The following SYN3 variants were observed in gnomAD, a reference collection of about 807,000 sequenced individuals.
The protein encoded by SYN3 is synapsin III.
Under a neutral mutation model 65.8 loss-of-function variants are expected in SYN3, and 35 were observed. That is an observed-to-expected ratio of 0.53 (90% CI 0.41 to 0.70). SYN3 has a LOEUF of 0.70. Ranked by LOEUF, SYN3 falls within the 30% of genes least tolerant of loss-of-function variation. The pLI is 0.00. For synonymous variants in SYN3, 270 were observed against 292.9 expected, an observed-to-expected ratio of 0.92 and a Z score of 0.80; for missense variants, 680 against 749.0, an observed-to-expected ratio of 0.91 and a Z score of 1.08.
At chr22:32,685,226 C>A (rs2060574453) in intron 6 of SYN3, among the ~76,000 whole-genome samples, 1 of 152,206 alleles carries the variant, frequency 6.6e-6, no homozygotes, top group Admixed American at 6.5e-5. Context: ...CTGTTGACAG[C>A]AGGGTTTCCT....
chr22:32,825,532 G>A (rs552187097), intron 6 of SYN3, among the ~76,000 whole-genome samples: 4 of 151,488 alleles, frequency 2.6e-5, no homozygotes, highest in East Asian at 1.9e-4. Context: ...GGTGGCGGGC[G>A]CCTGTAATCC....
chr22:32,951,420 A>G (rs567335499), intron 3 of SYN3, among the ~76,000 whole-genome samples: 1 of 152,160 alleles, frequency 6.6e-6, no homozygotes, highest in Middle Eastern at 3.4e-3. Flanking sequence ...TAAAGCACTC[A>G]TCCCTACGTG....
chr22:32,720,383 G>A (rs188589659), intron 6 of SYN3, among the ~76,000 whole-genome samples: 3 of 152,320 alleles, frequency 2.0e-5, no homozygotes, highest in East Asian at 3.9e-4. Flanking sequence ...ATGCCATGAG[G>A]TTGATGTTAT....
At chr22:32,930,178 T>C (rs1358233635) in intron 4 of SYN3, among the ~76,000 whole-genome samples, 1 of 152,182 alleles carries the variant, frequency 6.6e-6, no homozygotes, top group East Asian at 1.9e-4. Context: ...TATCTTGAAT[T>C]GTAGCTCCCA....
chr22:32,528,929 T>A lies in SYN3; in HGVS notation c.1175A>T (p.Lys392Ile). Reference sequence around the variant, plus strand: ...TCCTGGCATCGGGAGCTGGCTCATTTTGGAGACAACAAGGTCGGCCATCAG... The same window carrying A: ...TCCTGGCATCGGGAGCTGGCTCATTATGGAGACAACAAGGTCGGCCATCAG... ...RQLMADLVVS[K>I]MSQLPMPGGT... Residue 392 changes from lysine to isoleucine, a missense_variant, in exon 11 of 14, where the codon AAA (lysine) becomes ATA (isoleucine). Coordinates refer to ENST00000358763, the MANE Select transcript of SYN3 (RefSeq NM_003490.4). 6.2e-7 allele frequency: 1 copy of A among 1,614,138 alleles called. No homozygotes were observed. The highest frequency in any genetic ancestry group is 2.2e-5 in the East Asian group (1 of 44,868).
Position 32,837,564 on chromosome 22 carries a change from T to C in SYN3, c.711+27351A>G, listed in dbSNP as rs191985895. On this transcript the variant is annotated intron_variant, in intron 6 of 13. Coordinates refer to ENST00000358763, the MANE Select transcript of SYN3 (RefSeq NM_003490.4). This position sits in a 1 kb window ranked among gnomAD's most constrained non-coding sequence, Gnocchi z 4.1. The stretch of plus-strand genomic sequence containing the variant: ...GACAGAGATGCATGAAATACTAACG[T>C]TGAAGATTAGAAATGGGATGTGCAC... 6.6e-6 allele frequency among the ~76,000 whole-genome samples: 1 copy of C among 152,066 alleles called. No homozygotes were observed. The highest frequency in any genetic ancestry group is 1.9e-4 in the East Asian group (1 of 5,164).
chr22:33,024,515 T>C (rs1463722034), intron 1 of SYN3, among the ~76,000 whole-genome samples: 1 of 152,202 alleles, frequency 6.6e-6, no homozygotes, highest in East Asian at 1.9e-4. Context: ...AGATGGTACA[T>C]TGGAGTACAG....
At chr22:32,557,536 G>T (rs1241338976) in intron 7 of SYN3, among the ~76,000 whole-genome samples, 1 of 152,138 alleles carries the variant, frequency 6.6e-6, no homozygotes, top group African/African-American at 2.4e-5. Context: ...TATTATCTCA[G>T]TTAATCTTCA....
intron 6 of SYN3, among the ~76,000 whole-genome samples, chr22:32,608,717 C>A (rs548435304): frequency 6.6e-6 from 1 of 152,284 alleles, no homozygotes; most frequent in Admixed American, 6.5e-5. Context: ...TGGGGATATC[C>A]TTGGCAAGTT....
At position 32,665,511 on chromosome 22, in the gene SYN3, G is replaced by C. The variant is rs9619292; in HGVS notation, c.712-68775C>G. Among the ~76,000 whole-genome samples the C allele has an allele frequency of 5.6e-3, 644 of 114,530 alleles. 1 individual carries two copies. Among genetic ancestry groups the C allele is most frequent in the African/African-American group, 0.019 (406 of 21,656 alleles). 75.1% of individuals were successfully genotyped at this position (114,530 alleles called of 152,430 possible). A position where few individuals can be genotyped will look rare whatever the true frequency, so the allele number is the denominator to read the frequency against. On this transcript the variant is annotated intron_variant, in intron 6 of 13. Coordinates refer to ENST00000358763, the MANE Select transcript of SYN3 (RefSeq NM_003490.4). ...TGTGTATATATATATATATATATAT[G>C]TCTCACATATATCACAGATTTTTAT...
intron 6 of SYN3, chr22:32,802,025 C>G: frequency 6.3e-7 from 1 of 1,576,918 alleles, no homozygotes. Context: ...TCGGGCTCAT[C>G]GTGCTCCTGG....
At chr22:32,969,579 A>T (rs2051956236) in intron 3 of SYN3, among the ~76,000 whole-genome samples, 1 of 152,340 alleles carries the variant, frequency 6.6e-6, no homozygotes, top group Middle Eastern at 3.4e-3. Context: ...AGGGGGAGAA[A>T]TGCAGTGTGA....
At chr22:32,851,859 C>T (rs1219737373) in intron 6 of SYN3, among the ~76,000 whole-genome samples, 1 of 152,160 alleles carries the variant, frequency 6.6e-6, no homozygotes, top group Non-Finnish European at 1.5e-5. Flanking sequence ...TCCAGAGACA[C>T]CACTGGAATC....
intron 4 of SYN3, among the ~76,000 whole-genome samples, chr22:32,916,446 C>CTT (rs1280464611): frequency 6.6e-6 from 1 of 152,250 alleles, no homozygotes; most frequent in African/African-American, 2.4e-5. Context: ...TTGAGCTAGA[C>CTT]TTTGAACTTA....
intron 4 of SYN3, among the ~76,000 whole-genome samples, chr22:32,925,725 T>C (rs531523410): frequency 3.9e-5 from 6 of 152,298 alleles, no homozygotes; most frequent in Admixed American, 1.3e-4. Flanking sequence ...AGGGGAGCTT[T>C]AAAAATATGA....
intron 12 of SYN3, 146 bp downstream of exon 12, chr22:32,527,772 C>A: frequency 1.5e-6 from 1 of 669,212 alleles, no homozygotes; most frequent in Non-Finnish European, 2.5e-6. Context: ...AAGAGTTTGA[C>A]CAACCCCATA....
chr22:33,013,837 T>A (rs1019639849), intron 1 of SYN3, among the ~76,000 whole-genome samples: 5 of 152,178 alleles, frequency 3.3e-5, no homozygotes, highest in Non-Finnish European at 2.9e-5. Context: ...TTTCTGTCCC[T>A]GGCTTATCTC....
At chr22:32,971,910 G>A (rs993373274) in intron 3 of SYN3, among the ~76,000 whole-genome samples, 4 of 152,098 alleles carry the variant, frequency 2.6e-5, no homozygotes, top group Non-Finnish European at 4.4e-5. Flanking sequence ...AGAGGTCTCC[G>A]GCAACTCTGC....
chr22:32,693,811 C>A (rs5749492), intron 6 of SYN3, among the ~76,000 whole-genome samples: 37,598 of 151,436 alleles, frequency 0.25, 6,405 homozygotes, highest in East Asian at 0.63. Flanking sequence ...AGGCTGGTCT[C>A]GAACTCCTGA....
Sources: gnomAD v4.1 joint callset for allele counts (sites outside exome capture counted in the v4.1 genomes callset) on GRCh38, gnomAD v4.1.1 for gene constraint, Gnocchi (gnomAD v3.1) non-coding constraint, MANE v1.5 for transcripts, NCBI Gene and HGNC (gene_info 2026-07-23, HGNC 2026-07-21) for gene names.